LARS2: variants seen among roughly 807,000 people sequenced by gnomAD.
LARS2 encodes the protein leucine--tRNA ligase, mitochondrial.
Under a neutral mutation model 116.6 loss-of-function variants are expected in LARS2, and 81 were observed. The observed-to-expected ratio is 0.69, with a 90% CI of 0.58 to 0.84. The LOEUF (loss-of-function observed/expected upper bound fraction) is 0.84. Among genes scored for constraint, LARS2 ranks in the 40% least tolerant of loss-of-function variants. The probability of loss-of-function intolerance (pLI) is 0.00; values close to 1 mark genes in which losing one functional copy is unlikely to be tolerated. For missense variants in LARS2, 968 were observed against 1,114.5 expected, an observed-to-expected ratio of 0.87 and a Z score of 1.87; for synonymous variants, 396 against 407.2, an observed-to-expected ratio of 0.97 and a Z score of 0.33.
chr3:45,463,161 C>T (rs1699362198), intron 8 of LARS2, among the ~76,000 whole-genome samples: 1 of 152,182 alleles, frequency 6.6e-6, no homozygotes, highest in Admixed American at 6.5e-5. Flanking sequence ...TGCCTCAGTC[C>T]TGGCAGCAGA....
At chr3:45,508,561 A>G (rs952763927) in intron 15 of LARS2, among the ~76,000 whole-genome samples, 1 of 151,952 alleles carries the variant, frequency 6.6e-6, no homozygotes, top group Non-Finnish European at 1.5e-5. Flanking sequence ...TTTGGAGACC[A>G]TTTTCAGAGA....
chr3:45,437,125 C>T (rs1393684147), intron 6 of LARS2, among the ~76,000 whole-genome samples: 1 of 152,180 alleles, frequency 6.6e-6, no homozygotes, highest in African/African-American at 2.4e-5. Context: ...TACTCACTCT[C>T]TAAGTTGGCT....
At chr3:45,416,801 AC>A (rs1698428656) in intron 4 of LARS2, among the ~76,000 whole-genome samples, 1 of 152,204 alleles carries the variant, frequency 6.6e-6, no homozygotes, top group African/African-American at 2.4e-5. Flanking sequence ...CTGGCCGGGC[AC>A]AGTGGCTCAC....
At chr3:45,442,770 C>G (rs1428814567) in intron 6 of LARS2, among the ~76,000 whole-genome samples, 1 of 152,128 alleles carries the variant, frequency 6.6e-6, no homozygotes, top group Non-Finnish European at 1.5e-5. Flanking sequence ...CTCCATCTTT[C>G]CACTTTTGCT....
chr3:45,407,722 GC>G (rs1698254043), intron 4 of LARS2, among the ~76,000 whole-genome samples: 1 of 151,890 alleles, frequency 6.6e-6, no homozygotes, highest in South Asian at 2.1e-4. Flanking sequence ...TCAATTAGAA[GC>G]TGAATTGGTT....
In LARS2 at chr3:45,488,878, C is replaced by T; in HGVS notation, c.1239+66C>T. 5.7e-6 allele frequency: 6 copies of T among 1,046,924 alleles called. No homozygotes were observed. The South Asian group carries it at 7.5e-5, about 13-fold the overall frequency. 64.9% of individuals were successfully genotyped at this position (1,046,924 alleles called of 1,614,324 possible). A position where few individuals can be genotyped will look rare whatever the true frequency, so the allele number is the denominator to read the frequency against. On this transcript the variant is annotated intron_variant, in intron 12 of 21. Transcript: ENST00000645846. ...TACGACTTTGATAGACATTTTCCTT[C>T]AGGTGCAAATTACAACCTGTTCCTT...
chr3:45,503,067 T>C lies in LARS2; in HGVS notation c.1760+2488T>C, dbSNP rs1700146584. Reference sequence around the variant, plus strand: ...TATTTCTTGAACCCTTTTTTTTTTGTAGGAACTCTTTGGAACCTCTCTGCT... The same window carrying C: ...TATTTCTTGAACCCTTTTTTTTTTGCAGGAACTCTTTGGAACCTCTCTGCT... On this transcript the variant is annotated intron_variant, in intron 15 of 21. Transcript: ENST00000645846. Among the ~76,000 whole-genome samples, 3 of 151,356 alleles carry C rather than the reference T, an allele frequency of 2.0e-5. No homozygotes were observed. In the South Asian group the frequency reaches 6.2e-4, roughly 31 times the overall value.
intron 6 of LARS2, among the ~76,000 whole-genome samples, chr3:45,420,458 G>T (rs1301724921): frequency 1.3e-5 from 2 of 152,168 alleles, no homozygotes; most frequent in African/African-American, 4.8e-5. Flanking sequence ...AACGATTGGG[G>T]TTTTCATTGC....
intron 7 of LARS2, among the ~76,000 whole-genome samples, chr3:45,456,887 T>C (rs1482707014): frequency 6.6e-6 from 1 of 152,136 alleles, no homozygotes; most frequent in African/African-American, 2.4e-5. Context: ...TAGGTTAGCC[T>C]CCCCTCACCC....
At chr3:45,494,912 A>G (rs1419167718) in intron 13 of LARS2, among the ~76,000 whole-genome samples, 1 of 152,186 alleles carries the variant, frequency 6.6e-6, no homozygotes, top group Non-Finnish European at 1.5e-5. Flanking sequence ...TACTAAAAAT[A>G]CAAAAATTAG....
At chr3:45,536,501 G>A (rs1559500610) in intron 20 of LARS2, among the ~76,000 whole-genome samples, 1 of 152,238 alleles carries the variant, frequency 6.6e-6, no homozygotes, top group African/African-American at 2.4e-5. Flanking sequence ...TCCTCCTGCT[G>A]TGTGTGGCAG....
intron 14 of LARS2, among the ~76,000 whole-genome samples, chr3:45,498,444 G>A (rs1466765274): frequency 6.6e-6 from 1 of 152,142 alleles, no homozygotes; most frequent in Non-Finnish European, 1.5e-5. Context: ...ATTGGCAGTT[G>A]AATTTCTTTA....
chr3:45,462,429 A>G (rs2062130), intron 8 of LARS2, among the ~76,000 whole-genome samples: 79,246 of 144,854 alleles, frequency 0.55, 24,263 homozygotes, highest in East Asian at 0.68. Flanking sequence ...CAAAAAAAAA[A>G]AAAGAAAGAA....
chr3:45,437,410 A>G (rs1324693813), intron 6 of LARS2, among the ~76,000 whole-genome samples: 1 of 152,256 alleles, frequency 6.6e-6, no homozygotes, highest in Non-Finnish European at 1.5e-5. Context: ...TGTTCCCTCA[A>G]TTCTGCAAAA....
At chr3:45,451,830 G>A (rs1012237773) in intron 7 of LARS2, among the ~76,000 whole-genome samples, 1 of 151,916 alleles carries the variant, frequency 6.6e-6, no homozygotes, top group Non-Finnish European at 1.5e-5. Flanking sequence ...TCCAATCCAC[G>A]AACATAGTAT....
intron 6 of LARS2, chr3:45,422,151 C>T (rs1698523180): frequency 6.6e-6 from 1 of 152,154 alleles, no homozygotes; most frequent in Non-Finnish European, 1.5e-5. Flanking sequence ...AAAGGCTATA[C>T]AAATTTCCTT....
chr3:45,500,638 G>T, intron 15 of LARS2, 59 bp downstream of exon 15: 1 of 1,322,856 alleles, frequency 7.6e-7, no homozygotes. Context: ...ACTTTAAGCA[G>T]GTGTCAGTTC....
chr3:45,430,100 C>T (rs1698670286), intron 6 of LARS2, among the ~76,000 whole-genome samples: 1 of 132,470 alleles, frequency 7.5e-6, no homozygotes, highest in African/African-American at 2.7e-5. Flanking sequence ...CAAGCTTGGC[C>T]TCCTGGGACT....
At chr3:45,529,060 G>C (rs1026804798) in intron 20 of LARS2, among the ~76,000 whole-genome samples, 1 of 151,838 alleles carries the variant, frequency 6.6e-6, no homozygotes, top group Non-Finnish European at 1.5e-5. Context: ...GTAGAGACAG[G>C]GTTTCACCGT....
Sources: allele counts gnomAD v4.1 joint callset (sites outside exome capture counted in the v4.1 genomes callset), GRCh38; gene constraint gnomAD v4.1.1; transcripts MANE v1.5; gene names NCBI Gene and HGNC (gene_info 2026-07-23, HGNC 2026-07-21).